DACH2: variants seen among roughly 807,000 people sequenced by gnomAD.
The protein encoded by DACH2 is dachshund family transcription factor 2.
In DACH2, 17 loss-of-function variants were observed where a neutral mutation model predicts 35.8. That is an observed-to-expected ratio of 0.48 (90% confidence interval 0.33 to 0.71). The LOEUF is 0.71. Ranked by LOEUF, DACH2 falls within the 30% of genes least tolerant of loss-of-function variation. The probability of loss-of-function intolerance (pLI) is 0.02; values close to 1 mark genes in which losing one functional copy is unlikely to be tolerated. For synonymous variants in DACH2, 195 were observed against 177.3 expected, an observed-to-expected ratio of 1.10 and a Z score of -0.79; for missense variants, 469 against 472.7, an observed-to-expected ratio of 0.99 and a Z score of 0.07.
chrX:86,473,483 C>A (rs2037792064), intron 2 of DACH2, among the ~76,000 whole-genome samples: 1 of 110,657 alleles, frequency 9.0e-6, no homozygotes, highest in Non-Finnish European at 1.9e-5. Flanking sequence ...ATTTTTATAC[C>A]CATTAACTAT....
At chrX:86,612,812 T>C (rs138804060) in intron 3 of DACH2, among the ~76,000 whole-genome samples, 3,457 of 112,640 alleles carry the variant, frequency 0.031, 47 homozygotes, top group Middle Eastern at 0.12. Flanking sequence ...ACTTTTTGTG[T>C]AGATAGTTGT....
At chrX:86,597,316 T>C (rs1207996298) in intron 3 of DACH2, among the ~76,000 whole-genome samples, 3 of 111,970 alleles carry the variant, frequency 2.7e-5, no homozygotes, top group African/African-American at 9.7e-5. Context: ...AACTGTAATT[T>C]CTCCCTTAAG....
chrX:86,326,671 T>C (rs958563128), intron 1 of DACH2, among the ~76,000 whole-genome samples: 1 of 111,245 alleles, frequency 9.0e-6, no homozygotes, highest in African/African-American at 3.3e-5. Context: ...GTAGTTTTTC[T>C]TCTCTTGCCC....
chrX:86,667,556 GA>G (rs371202152), intron 4 of DACH2, among the ~76,000 whole-genome samples: 442 of 65,511 alleles, frequency 6.7e-3, no homozygotes, highest in Admixed American at 0.01. Flanking sequence ...AAGAAAGAAA[GA>G]AAGAAAGAAA....
chrX:86,623,745 A>G (rs917435288), intron 3 of DACH2, among the ~76,000 whole-genome samples: 1 of 111,421 alleles, frequency 9.0e-6, no homozygotes, highest in Non-Finnish European at 1.9e-5. Flanking sequence ...CTGAGAAAGA[A>G]TACAGACCTA....
At chrX:86,498,648 T>A (rs1351323410) in intron 2 of DACH2, among the ~76,000 whole-genome samples, 1 of 112,582 alleles carries the variant, frequency 8.9e-6, no homozygotes, top group Non-Finnish European at 1.9e-5. Context: ...ATGTTTTTAC[T>A]TTGAATCTTT....
intron 2 of DACH2, among the ~76,000 whole-genome samples, chrX:86,500,504 C>T (rs893687964): frequency 3.6e-5 from 4 of 111,699 alleles, no homozygotes; most frequent in African/African-American, 9.8e-5. Flanking sequence ...AAAAAAATGT[C>T]GTTTAAAGTA....
At chrX:86,716,625 T>C (rs976599768) in intron 6 of DACH2, among the ~76,000 whole-genome samples, 1 of 112,038 alleles carries the variant, frequency 8.9e-6, no homozygotes, top group Non-Finnish European at 1.9e-5. Context: ...GGCATGCATA[T>C]GACTCTTAAA....
At chrX:86,184,267 G>C in intron 1 of DACH2, 1 of 164,040 alleles carries the variant, frequency 6.1e-6, no homozygotes, top group Non-Finnish European at 1.2e-5. Flanking sequence ...CAGTGCAGTG[G>C]TGTGATCTTG....
chrX:86,475,465 T>A (rs779132871), intron 2 of DACH2, among the ~76,000 whole-genome samples: 1 of 112,046 alleles, frequency 8.9e-6, no homozygotes, highest in East Asian at 2.8e-4. Context: ...ACAGGATTAC[T>A]TTTTGATTTA....
At chrX:86,504,054 A>G (rs1181657713) in intron 2 of DACH2, among the ~76,000 whole-genome samples, 1 of 104,739 alleles carries the variant, frequency 9.5e-6, no homozygotes, top group African/African-American at 3.5e-5. Context: ...ATTCATTTAA[A>G]TTGGAAAATT....
intron 3 of DACH2, among the ~76,000 whole-genome samples, chrX:86,539,122 G>A (rs766426234): frequency 9.9e-5 from 11 of 110,884 alleles, no homozygotes; most frequent in African/African-American, 2.3e-4. Flanking sequence ...GGAGGGACCC[G>A]GCTGGAGATG....
intron 3 of DACH2, among the ~76,000 whole-genome samples, chrX:86,547,008 C>G (rs1000276413): frequency 2.7e-5 from 3 of 111,372 alleles, no homozygotes; most frequent in African/African-American, 9.8e-5. Flanking sequence ...TCTTCACCTT[C>G]TAATCCCCTT....
At chrX:86,749,877 G>T (rs2041753291) in intron 7 of DACH2, among the ~76,000 whole-genome samples, 1 of 111,067 alleles carries the variant, frequency 9.0e-6, no homozygotes, top group Non-Finnish European at 1.9e-5. Context: ...ATTTCAGATT[G>T]CTCACTGCTG....
chrX:86,215,824 A>G (rs2032558061), intron 1 of DACH2, among the ~76,000 whole-genome samples: 1 of 112,386 alleles, frequency 8.9e-6, no homozygotes, highest in Non-Finnish European at 1.9e-5. Flanking sequence ...GAAGGTTGAC[A>G]TATGTTAGAT....
At chrX:86,523,003 G>T (rs745922639) in intron 3 of DACH2, among the ~76,000 whole-genome samples, 6 of 111,805 alleles carry the variant, frequency 5.4e-5, no homozygotes, top group Non-Finnish European at 1.1e-4. Context: ...TTTGGCCTGA[G>T]AAAGATTTAA....
chrX:86,465,640 A>T (rs2037653382), intron 2 of DACH2, among the ~76,000 whole-genome samples: 1 of 112,148 alleles, frequency 8.9e-6, no homozygotes, highest in African/African-American at 3.2e-5. Flanking sequence ...ATTACATCAG[A>T]AAGAGATCCC....
chrX:86,279,345 G>A (rs2033980137), intron 1 of DACH2, among the ~76,000 whole-genome samples: 1 of 112,003 alleles, frequency 8.9e-6, no homozygotes, highest in South Asian at 3.7e-4. Flanking sequence ...CCAGAGGAAG[G>A]AACAGGCAGA....
chrX:86,476,316 A>T (rs2037842888), intron 2 of DACH2, among the ~76,000 whole-genome samples: 1 of 111,362 alleles, frequency 9.0e-6, no homozygotes, highest in African/African-American at 3.3e-5. Flanking sequence ...CTTTTTCTTC[A>T]TTGAGATACT....
Sources: allele counts gnomAD v4.1 joint callset (sites outside exome capture counted in the v4.1 genomes callset), GRCh38; gene constraint gnomAD v4.1.1; transcripts MANE v1.5; gene names NCBI Gene and HGNC (gene_info 2026-07-23, HGNC 2026-07-21).